GLCCI1: variants seen among roughly 807,000 people sequenced by gnomAD.
GLCCI1 encodes the protein glucocorticoid-induced transcript 1 protein.
A neutral mutation model predicts 52.2 loss-of-function variants in GLCCI1; 24 were observed. The ratio of observed to expected loss-of-function variants is 0.46; its 90% CI spans 0.33 to 0.65. The LOEUF is 0.65. Ranked by LOEUF, GLCCI1 falls within the 30% of genes least tolerant of loss-of-function variation. The probability of loss-of-function intolerance (pLI) is 0.02; values close to 1 mark genes in which losing one functional copy is unlikely to be tolerated. For synonymous variants in GLCCI1, 310 were observed against 276.5 expected (o/e 1.12, Z -1.20); for missense variants, 704 against 701.5 (o/e 1.00, Z -0.04).
Position 8,060,138 on chromosome 7 carries a change from T to A in GLCCI1, c.856T>A (p.Ser286Thr), listed in dbSNP as rs1391562612. The A allele has an allele frequency of 1.9e-6, 3 of 1,613,510 alleles. No individual in the cohort carries two copies. Among genetic ancestry groups the A allele is most frequent in the African/African-American group, 1.3e-5 (1 of 74,898 alleles). ...AGTTCCTATGCCACTGTCAAATATA[T>A]CAGTGCCAAAATCATCTGTTTCGCG... ...RSVPMPLSNI[S>T]VPKSSVSRVP... Residue 286 changes from serine (S) to threonine (T), a missense_variant, in exon 5 of 8, where the codon TCA (serine) becomes ACA (threonine). By Grantham distance (58) the Ser-to-Thr change is moderately conservative. This residue lies in a region of GLCCI1 where 547 missense variants were observed against 524.8 expected (regional missense o/e 1.04). Transcript: ENST00000223145.
chr7:8,004,020 T>C lies in GLCCI1; in HGVS notation c.570T>C (p.His190=). ...CAGGACAGTGGCCACGGGATCCTCA[T>C]GTTCACTACCCTTCATGCATGAAAG... The part of the protein sequence containing the change: ...YLTGQWPRDP[H]VHYPSCMKDK... Residue 190 remains histidine (H), a synonymous_variant, in exon 2 of 8, where the codon CAT becomes CAC. Coordinates refer to ENST00000223145, the MANE Select transcript of GLCCI1 (RefSeq NM_138426.4). 1.9e-6 allele frequency: 3 copies of C among 1,613,820 alleles called. No individual in the cohort carries two copies. Among genetic ancestry groups the C allele is most frequent in the Non-Finnish European group, 2.5e-6 (3 of 1,179,818 alleles).
At chr7:8,078,779 C>T (rs1017050874) in intron 6 of GLCCI1, 4 of 152,072 alleles carry the variant, frequency 2.6e-5, no homozygotes, top group Admixed American at 6.5e-5. Context: ...AGGATAACAG[C>T]AAAGTTCTTA....
chr7:7,975,630 G>A (rs989045357), intron 1 of GLCCI1, among the ~76,000 whole-genome samples: 2 of 152,160 alleles, frequency 1.3e-5, no homozygotes, highest in South Asian at 2.1e-4. Context: ...GCACTATTAC[G>A]CTGTGCTGGG....
chr7:8,004,803 A>G (rs556457453), intron 2 of GLCCI1, among the ~76,000 whole-genome samples: 1 of 152,362 alleles, frequency 6.6e-6, no homozygotes, highest in Admixed American at 6.5e-5. Context: ...TGAATGGAGT[A>G]TGTAAATGTG....
At chr7:7,981,833 G>T in intron 1 of GLCCI1, 1 of 428,788 alleles carries the variant, frequency 2.3e-6, no homozygotes, top group South Asian at 1.7e-5. Flanking sequence ...CCAAATAGGA[G>T]GCAAAATATA....
At position 8,080,383 on chromosome 7, in the gene GLCCI1, G is replaced by A. The variant is rs189055079; in HGVS notation, c.1178-4514G>A. Among the ~76,000 whole-genome samples, 21 of 151,630 alleles carry A rather than the reference G, an allele frequency of 1.4e-4. No individual in the cohort carries two copies. In the East Asian group the frequency reaches 2.9e-3, roughly 21 times the overall value. On this transcript the variant is annotated intron_variant, in intron 6 of 7. Transcript: ENST00000223145. Reference sequence around the variant, plus strand: ...GTCAGTTAACTACCTGGGAAAGATAGAATAAGAATTACATTCTACTGCTTA... The same window carrying A: ...GTCAGTTAACTACCTGGGAAAGATAAAATAAGAATTACATTCTACTGCTTA...
rs536127252 is a variant in GLCCI1, at chr7:8,079,756, C to T, written c.1178-5141C>T. Among the ~76,000 whole-genome samples the T allele has an allele frequency of 1.3e-3, 193 of 151,436 alleles. 2 individuals are homozygous for T. Among genetic ancestry groups the T allele is most frequent in the Non-Finnish European group, 2.3e-3 (159 of 67,954 alleles). On this transcript the variant is annotated intron_variant, in intron 6 of 7. Transcript: ENST00000223145. ...AGTGATTACAAAATATAAAATACCTCCTACATATAATAAATATATAATTAA... is the reference window on the plus strand; with the variant it reads ...AGTGATTACAAAATATAAAATACCTTCTACATATAATAAATATATAATTAA...
intron 1 of GLCCI1, among the ~76,000 whole-genome samples, chr7:7,995,821 A>T (rs1271450011): frequency 3.9e-5 from 6 of 152,198 alleles, no homozygotes; most frequent in Non-Finnish European, 8.8e-5. Flanking sequence ...TAATGGGTGC[A>T]GCACACCAAC....
intron 3 of GLCCI1, among the ~76,000 whole-genome samples, chr7:8,036,041 T>C (rs905276187): frequency 2.6e-5 from 4 of 152,210 alleles, no homozygotes; most frequent in African/African-American, 9.6e-5. Flanking sequence ...ATCCTTCCAG[T>C]AAACAAAGAT....
intron 3 of GLCCI1, among the ~76,000 whole-genome samples, chr7:8,028,022 A>C (rs1333756166): frequency 6.6e-6 from 1 of 152,244 alleles, no homozygotes; most frequent in African/African-American, 2.4e-5. Context: ...TGGAGACTTC[A>C]ACACCCTACT....
At chr7:7,970,535 G>C (rs1468902281) in intron 1 of GLCCI1, 1 of 152,508 alleles carries the variant, frequency 6.6e-6, no homozygotes, top group East Asian at 1.9e-4. Flanking sequence ...TTTGTGGAAC[G>C]TGTTCGTTTT....
intron 3 of GLCCI1, among the ~76,000 whole-genome samples, chr7:8,042,121 T>C (rs533673037): frequency 2.0e-5 from 3 of 152,268 alleles, no homozygotes; most frequent in Non-Finnish European, 4.4e-5. Context: ...TTATTGACAA[T>C]TTGCCTGGTC....
intron 4 of GLCCI1, among the ~76,000 whole-genome samples, chr7:8,058,157 A>G (rs1203184531): frequency 6.6e-6 from 1 of 152,172 alleles, no homozygotes; most frequent in Non-Finnish European, 1.5e-5. Flanking sequence ...GTTTCCTCTT[A>G]TATTAGTAAT....
chr7:8,028,779 C>T (rs1016006779), intron 3 of GLCCI1, among the ~76,000 whole-genome samples: 7 of 151,954 alleles, frequency 4.6e-5, no homozygotes, highest in African/African-American at 1.4e-4. Context: ...ACTTTACAGC[C>T]GATACCACAG....
chr7:8,053,215 C>T (rs927092419), intron 3 of GLCCI1, among the ~76,000 whole-genome samples: 1 of 150,966 alleles, frequency 6.6e-6, no homozygotes, highest in African/African-American at 2.4e-5. Context: ...GGTGACTATG[C>T]TTATTACTCT....
intron 1 of GLCCI1, among the ~76,000 whole-genome samples, chr7:7,992,733 A>G (rs965512409): frequency 1.3e-5 from 2 of 152,036 alleles, no homozygotes; most frequent in African/African-American, 4.8e-5. Flanking sequence ...CCTATGTTAC[A>G]TATTACTTTC....
chr7:7,976,583 C>T (rs1780478436), intron 1 of GLCCI1, among the ~76,000 whole-genome samples: 1 of 150,138 alleles, frequency 6.7e-6, no homozygotes, highest in African/African-American at 2.5e-5. Flanking sequence ...GTGGCAAGGT[C>T]AGTGTCCAAA....
intron 1 of GLCCI1, among the ~76,000 whole-genome samples, chr7:7,986,870 T>C (rs1449469796): frequency 1.3e-5 from 2 of 152,186 alleles, no homozygotes; most frequent in Non-Finnish European, 2.9e-5. Flanking sequence ...CACTCATTTC[T>C]CCCATCCTTC....
At chr7:7,989,759 T>A (rs1780803264) in intron 1 of GLCCI1, among the ~76,000 whole-genome samples, 1 of 152,168 alleles carries the variant, frequency 6.6e-6, no homozygotes, top group Non-Finnish European at 1.5e-5. Flanking sequence ...TCTTGCCTTT[T>A]AGGAACATAC....
Sources: gnomAD v4.1 joint callset for allele counts (sites outside exome capture counted in the v4.1 genomes callset) on GRCh38, gnomAD v4.1.1 for gene constraint, gnomAD v4.1.1 regional missense constraint, MANE v1.5 for transcripts, NCBI Gene and HGNC (gene_info 2026-07-23, HGNC 2026-07-21) for gene names.